IGF1R: variants seen among roughly 807,000 people sequenced by gnomAD.
IGF1R encodes insulin like growth factor 1 receptor.
Under a neutral mutation model 144.6 loss-of-function variants are expected in IGF1R, and 44 were observed. The ratio of observed to expected loss-of-function variants is 0.30; its 90% CI spans 0.24 to 0.39. The LOEUF is 0.39. IGF1R is among the 10% of genes least tolerant of loss of function. IGF1R has a pLI of 1.00. For synonymous variants in IGF1R, 795 were observed against 722.8 expected (o/e 1.10, Z -1.60); for missense variants, 1,355 against 1,833.7 (o/e 0.74, Z 4.77).
Position 98,959,895 on chromosome 15 carries a change from A to C in IGF1R, c.*2453A>C, listed in dbSNP as rs1470730006. 4.3e-6 allele frequency: 1 copy of C among 231,532 alleles called. No individual in the cohort carries two copies. Among genetic ancestry groups the C allele is most frequent in the Non-Finnish European group, 8.5e-6 (1 of 117,894 alleles). The allele number at this position is 231,532 out of a possible 1,614,324, so 14.3% of individuals were successfully genotyped here. A position where few individuals can be genotyped will look rare whatever the true frequency, so the allele number is the denominator to read the frequency against. On this transcript the variant is annotated 3_prime_UTR_variant, in exon 21 of 21. Coordinates refer to ENST00000650285, the MANE Select transcript of IGF1R (RefSeq NM_000875.5). ...GTATTATATGTAGGAGTTTTCTTTTAATTTATTTTGTGATAAATTACCAGT... is the reference window on the plus strand; with the variant it reads ...GTATTATATGTAGGAGTTTTCTTTTCATTTATTTTGTGATAAATTACCAGT...
intron 2 of IGF1R, among the ~76,000 whole-genome samples, chr15:98,866,945 CTCTG>C (rs1318381921): frequency 1.3e-5 from 2 of 152,190 alleles, no homozygotes; most frequent in Non-Finnish European, 2.9e-5. Context: ...TTGTTTTCCA[CTCTG>C]TCTGGCCAAG....
chr15:98,953,896 G>T (rs1037371196), intron 20 of IGF1R, among the ~76,000 whole-genome samples: 1 of 152,300 alleles, frequency 6.6e-6, no homozygotes, highest in East Asian at 1.9e-4. Context: ...GGGCGCTCCT[G>T]CTCAGTTAGC....
At chr15:98,833,000 T>G (rs1157254990) in intron 2 of IGF1R, among the ~76,000 whole-genome samples, 1 of 152,214 alleles carries the variant, frequency 6.6e-6, no homozygotes, top group Non-Finnish European at 1.5e-5. Context: ...CAGATTTAGG[T>G]CATGTCTGAT....
chr15:98,833,063 CT>C (rs952389545), intron 2 of IGF1R, among the ~76,000 whole-genome samples: 1 of 152,158 alleles, frequency 6.6e-6, no homozygotes, highest in African/African-American at 2.4e-5. Context: ...GCCTTTCCCC[CT>C]AGACTTAAAA....
At chr15:98,941,829 C>T (rs913520415) in intron 18 of IGF1R, among the ~76,000 whole-genome samples, 1 of 152,156 alleles carries the variant, frequency 6.6e-6, no homozygotes, top group Non-Finnish European at 1.5e-5. Context: ...CATACATGAG[C>T]ATTTTAAAGT....
At chr15:98,925,689 G>C (rs1257312685) in intron 13 of IGF1R, among the ~76,000 whole-genome samples, 1 of 152,224 alleles carries the variant, frequency 6.6e-6, no homozygotes, top group Non-Finnish European at 1.5e-5. Context: ...GATCTCTTGA[G>C]GTCAGGAGTT....
chr15:98,960,813 C>T lies in IGF1R; in HGVS notation c.*3371C>T, dbSNP rs1260316260. ...CCCCTCCAGGCTGCCCTCTCAACTT[C>T]TCCCTCACCTCCTTCCCTAGGGGTA... On this transcript the variant is annotated 3_prime_UTR_variant, in exon 21 of 21. Transcript: ENST00000650285. 1 of 233,882 alleles carries T rather than the reference C, an allele frequency of 4.3e-6. No individual in the cohort carries two copies. Among genetic ancestry groups the T allele is most frequent in the Non-Finnish European group, 8.5e-6 (1 of 118,190 alleles). The allele number at this position is 233,882 out of a possible 1,614,324, so 14.5% of individuals were successfully genotyped here.
chr15:98,868,346 C>CAAAAA (rs2012573708), intron 2 of IGF1R, among the ~76,000 whole-genome samples: 2 of 27,632 alleles, frequency 7.2e-5, no homozygotes, highest in Non-Finnish European at 2.0e-4. Flanking sequence ...AAAAAAAAAG[C>CAAAAA]CAAATCTGTT....
chr15:98,881,820 G>A (rs189531644), intron 2 of IGF1R, among the ~76,000 whole-genome samples: 2 of 152,300 alleles, frequency 1.3e-5, no homozygotes, highest in Admixed American at 6.5e-5. Flanking sequence ...GTGATCATTA[G>A]GGGGATTAAA....
At chr15:98,924,401 G>C (rs935003169) in intron 12 of IGF1R, 124 bp from the exon 13 acceptor site, 2 of 897,536 alleles carry the variant, frequency 2.2e-6, no homozygotes, top group African/African-American at 3.3e-5. Flanking sequence ...CTGACACTCA[G>C]GATCATTGTT....
At chr15:98,802,400 C>T (rs920514626) in intron 2 of IGF1R, among the ~76,000 whole-genome samples, 2 of 151,542 alleles carry the variant, frequency 1.3e-5, no homozygotes, top group African/African-American at 2.4e-5. Flanking sequence ...GTGTGGCTGG[C>T]GGATTCTGAA....
At chr15:98,953,416 A>C (rs1464983089) in intron 20 of IGF1R, among the ~76,000 whole-genome samples, 1 of 152,068 alleles carries the variant, frequency 6.6e-6, no homozygotes, top group African/African-American at 2.4e-5. Flanking sequence ...ATTGATGACA[A>C]AGCCCGTCCT....
Position 98,960,547 on chromosome 15 carries a change from G to A in IGF1R, c.*3105G>A, listed in dbSNP as rs760336796. The A allele has an allele frequency of 5.1e-5, 12 of 233,376 alleles. No individual in the cohort carries two copies. The highest frequency in any genetic ancestry group is 3.6e-4 in the South Asian group (2 of 5,538). 14.5% of individuals were successfully genotyped at this position (233,376 alleles called of 1,614,324 possible). A position where few individuals can be genotyped will look rare whatever the true frequency, so the allele number is the denominator to read the frequency against. Reference sequence around the variant, plus strand: ...TGTCCAGGCAGCACCATCTCTGTGCGAATCCCCAGGGTAAAGGCGTGGGGC... The same window carrying A: ...TGTCCAGGCAGCACCATCTCTGTGCAAATCCCCAGGGTAAAGGCGTGGGGC... On this transcript the variant is annotated 3_prime_UTR_variant, in exon 21 of 21. Coordinates refer to ENST00000650285, the MANE Select transcript of IGF1R (RefSeq NM_000875.5).
chr15:98,883,545 C>T (rs41400050), intron 2 of IGF1R, among the ~76,000 whole-genome samples: 7,725 of 152,308 alleles, frequency 0.051, 338 homozygotes, highest in East Asian at 0.15. Context: ...CTCACCGTCA[C>T]TCTCTTCTTC....
chr15:98,684,930 CTT>C (rs5814891), intron 1 of IGF1R, among the ~76,000 whole-genome samples: 1,394 of 113,432 alleles, frequency 0.012, 9 homozygotes, highest in African/African-American at 0.021. Context: ...CTTCCTTTTC[CTT>C]TTTTTTTTTT....
intron 2 of IGF1R, among the ~76,000 whole-genome samples, chr15:98,806,462 C>G (rs1287028492): frequency 1.3e-5 from 2 of 151,872 alleles, no homozygotes; most frequent in Non-Finnish European, 2.9e-5. Context: ...TGCCTTCACT[C>G]CCATCCTTTT....
chr15:98,748,000 TAAATG>T (rs933955410), intron 2 of IGF1R, among the ~76,000 whole-genome samples: 28 of 152,188 alleles, frequency 1.8e-4, no homozygotes, highest in African/African-American at 6.5e-4. Flanking sequence ...TTGGAAGAGA[TAAATG>T]AAGATAAAGA....
intron 2 of IGF1R, among the ~76,000 whole-genome samples, chr15:98,768,284 C>T (rs1406251689): frequency 2.6e-5 from 4 of 152,104 alleles, no homozygotes; most frequent in African/African-American, 9.7e-5. Context: ...CCTTTCTACA[C>T]TTTGGCATTG....
In IGF1R at chr15:98,743,773, C is replaced by A. The variant is rs146537536; in HGVS notation, c.640+35666C>A. Reference sequence around the variant, plus strand: ...TGTAAAGAATAGATTAGGGAGGAAGCCAATCAGGAAGCAATTGGAGTAGGC... The same window carrying A: ...TGTAAAGAATAGATTAGGGAGGAAGACAATCAGGAAGCAATTGGAGTAGGC... On this transcript the variant is annotated intron_variant, in intron 2 of 20. Transcript: ENST00000650285. Among the ~76,000 whole-genome samples the A allele has an allele frequency of 1.5e-4, 23 of 152,196 alleles. No homozygotes were observed. In the East Asian group the frequency reaches 3.7e-3, roughly 24 times the overall value.
Sources: gnomAD v4.1 joint callset for allele counts (sites outside exome capture counted in the v4.1 genomes callset) on GRCh38, gnomAD v4.1.1 for gene constraint, MANE v1.5 for transcripts, NCBI Gene and HGNC (gene_info 2026-07-23, HGNC 2026-07-21) for gene names.